Variants in KIAA1328 observed in about 807,000 individuals in gnomAD.
The protein encoded by KIAA1328 is KIAA1328, also known as protein hinderin.
Under a neutral mutation model 68.1 loss-of-function variants are expected in KIAA1328, and 52 were observed. The observed-to-expected ratio is 0.76, with a 90% CI of 0.61 to 0.96. KIAA1328 has a LOEUF of 0.96. KIAA1328 is among the 40% of genes least tolerant of loss of function. The pLI, the probability that KIAA1328 is intolerant of heterozygous loss-of-function variation, is 0.00. For synonymous variants in KIAA1328, 232 were observed against 239.4 expected (o/e 0.97, Z 0.28); for missense variants, 641 against 677.6 (o/e 0.95, Z 0.60).
chr18:37,025,509 T>G (rs913895543), intron 6 of KIAA1328, among the ~76,000 whole-genome samples: 6 of 152,094 alleles, frequency 3.9e-5, no homozygotes, highest in Non-Finnish European at 8.8e-5. Context: ...AGAACAGAAA[T>G]TATAACAAAC....
intron 8 of KIAA1328, among the ~76,000 whole-genome samples, chr18:37,165,827 A>G (rs2154212549): frequency 6.6e-6 from 1 of 152,096 alleles, no homozygotes; most frequent in Middle Eastern, 3.4e-3. Flanking sequence ...TCCTGACCTC[A>G]GGTAGGCACC....
At chr18:37,056,843 A>G (rs980137563) in intron 6 of KIAA1328, among the ~76,000 whole-genome samples, 5 of 152,058 alleles carry the variant, frequency 3.3e-5, no homozygotes, top group South Asian at 2.1e-4. Context: ...GGGTTTCACT[A>G]TGTTGGCCAG....
At chr18:36,983,082 A>G (rs1469501023) in intron 6 of KIAA1328, among the ~76,000 whole-genome samples, 1 of 152,032 alleles carries the variant, frequency 6.6e-6, no homozygotes, top group Non-Finnish European at 1.5e-5. Context: ...AGATGGGACA[A>G]ATAGAAATCA....
downstream of KIAA1328, chr18:37,229,517 CTG>C (rs1403264166): frequency 8.0e-7 from 1 of 1,244,708 alleles, no homozygotes; most frequent in African/African-American, 1.6e-5. Context: ...GACTCAGAAA[CTG>C]GGGTGGGAGG....
Position 37,067,037 on chromosome 18 carries a change from T to C in KIAA1328, c.724T>C (p.Phe242Leu). 1 of 1,613,962 alleles carries C rather than the reference T, an allele frequency of 6.2e-7. No homozygotes were observed. Among genetic ancestry groups the C allele is most frequent in the South Asian group, 1.1e-5 (1 of 91,072 alleles). Residue 242 changes from phenylalanine (F) to leucine (L), a missense_variant, in exon 7 of 10, where the codon TTT (phenylalanine) becomes CTT (leucine). By Grantham distance (22) the Phe-to-Leu change is conservative. Coordinates refer to ENST00000280020, the MANE Select transcript of KIAA1328 (RefSeq NM_020776.3). ...QDSASESLIA[F>L]RNNSLKPVTL... is the part of the protein sequence containing the mutation. ...TTCAGCTTCAGAATCCCTTATAGCA[T>C]TTAGGAATAATTCTTTGAAACCAGT...
At chr18:37,176,867 A>C (rs896511488) in intron 9 of KIAA1328, among the ~76,000 whole-genome samples, 4 of 152,218 alleles carry the variant, frequency 2.6e-5, no homozygotes, top group Admixed American at 6.5e-5. Flanking sequence ...ACTGATAATT[A>C]ACCATTTTGT....
intron 5 of KIAA1328, among the ~76,000 whole-genome samples, chr18:36,912,689 C>A (rs1406852532): frequency 6.6e-6 from 1 of 152,046 alleles, no homozygotes; most frequent in African/African-American, 2.4e-5. Flanking sequence ...TGCTGCATTC[C>A]CATTGCAGCA....
intron 7 of KIAA1328, among the ~76,000 whole-genome samples, chr18:37,127,953 A>G (rs323303): frequency 0.4 from 61,435 of 151,908 alleles, 14,290 homozygotes; most frequent in African/African-American, 0.64. Flanking sequence ...AAGTGCCACA[A>G]TAATTCCATG....
At chr18:37,022,321 C>T (rs1161956244) in intron 6 of KIAA1328, among the ~76,000 whole-genome samples, 3 of 152,180 alleles carry the variant, frequency 2.0e-5, no homozygotes, top group Admixed American at 1.3e-4. Flanking sequence ...TATTTTAAAA[C>T]TCATATAATA....
chr18:37,142,942 G>GTTTTTTTTTTTTT, intron 7 of KIAA1328, among the ~76,000 whole-genome samples: 1 of 140,364 alleles, frequency 7.1e-6, no homozygotes, highest in Non-Finnish European at 1.6e-5. Context: ...ATTTACTTTG[G>GTTTTTTTTTTTTT]TTTTTTTTTT....
intron 5 of KIAA1328, among the ~76,000 whole-genome samples, chr18:36,933,604 A>G (rs1030135812): frequency 2.5e-4 from 38 of 152,186 alleles, no homozygotes; most frequent in Admixed American, 2.2e-3. Context: ...GAGCTGCACA[A>G]TGCAGCCCTG....
chr18:37,201,093 G>A lies in KIAA1328; in HGVS notation c.1524-20924G>A, dbSNP rs2060105116. Among the ~76,000 whole-genome samples, 3 of 152,096 alleles carry A rather than the reference G, an allele frequency of 2.0e-5. No individual in the cohort carries two copies. The South Asian group carries it at 6.2e-4, about 31-fold the overall frequency. Reference sequence around the variant, plus strand: ...TAAATTGGGATGACATCACAGTGTGGCAAAAAGATCTTAGTGAAATCTTTG... The same window carrying A: ...TAAATTGGGATGACATCACAGTGTGACAAAAAGATCTTAGTGAAATCTTTG... On this transcript the variant is annotated intron_variant, in intron 9 of 9. Coordinates refer to ENST00000280020, the MANE Select transcript of KIAA1328 (RefSeq NM_020776.3).
intron 6 of KIAA1328, among the ~76,000 whole-genome samples, chr18:36,998,214 A>T (rs2053465151): frequency 1.3e-5 from 2 of 152,114 alleles, no homozygotes; most frequent in African/African-American, 4.8e-5. Flanking sequence ...TTAGGCAGCC[A>T]AGCACTGCTC....
intron 6 of KIAA1328, among the ~76,000 whole-genome samples, chr18:37,038,827 A>G (rs2055133166): frequency 6.6e-6 from 1 of 152,204 alleles, no homozygotes; most frequent in Admixed American, 6.5e-5. Flanking sequence ...TATTAAGTAC[A>G]TTAAATGAAA....
At chr18:37,057,272 C>T (rs1367066531) in intron 6 of KIAA1328, among the ~76,000 whole-genome samples, 2 of 151,992 alleles carry the variant, frequency 1.3e-5, no homozygotes, top group Non-Finnish European at 2.9e-5. Flanking sequence ...TGGCAAACTA[C>T]AGCAGGTCAT....
At chr18:37,196,107 T>G (rs1044294136) in intron 9 of KIAA1328, among the ~76,000 whole-genome samples, 4 of 152,188 alleles carry the variant, frequency 2.6e-5, no homozygotes, top group Non-Finnish European at 4.4e-5. Context: ...TATTATAGTA[T>G]GGAAACACTA....
intron 6 of KIAA1328, among the ~76,000 whole-genome samples, chr18:36,995,482 G>A (rs1019808849): frequency 3.3e-5 from 5 of 151,816 alleles, no homozygotes; most frequent in African/African-American, 4.8e-5. Flanking sequence ...CCAGTTTCTC[G>A]GTCCATCCCT....
intron 6 of KIAA1328, among the ~76,000 whole-genome samples, chr18:37,024,742 G>GT (rs1172839023): frequency 6.6e-6 from 1 of 152,104 alleles, no homozygotes; most frequent in Non-Finnish European, 1.5e-5. Flanking sequence ...ATTCCATGGT[G>GT]TATATGTGCC....
chr18:36,838,422 A>G (rs866907253), intron 3 of KIAA1328, among the ~76,000 whole-genome samples: 1 of 152,340 alleles, frequency 6.6e-6, no homozygotes, highest in Non-Finnish European at 1.5e-5. Context: ...CAGATTTCCT[A>G]AAAGACTTCC....
Sources: allele counts gnomAD v4.1 joint callset (sites outside exome capture counted in the v4.1 genomes callset), GRCh38; gene constraint gnomAD v4.1.1; transcripts MANE v1.5; gene names NCBI Gene and HGNC (gene_info 2026-07-23, HGNC 2026-07-21).